MFHAS1: variants seen among roughly 807,000 people sequenced by gnomAD.
MFHAS1 encodes the protein multifunctional ROCO family signaling regulator 1.
Under a neutral mutation model 70.4 loss-of-function variants are expected in MFHAS1, and 50 were observed. The observed-to-expected ratio is 0.71, with a 90% confidence interval of 0.57 to 0.90. The LOEUF (loss-of-function observed/expected upper bound fraction) is 0.90, where lower values mean the gene tolerates loss of function less well. MFHAS1 is among the 40% of genes least tolerant of loss of function. MFHAS1 has a pLI of 0.00. For missense variants in MFHAS1, 1,795 were observed against 1,347.6 expected (o/e 1.33, Z -5.20); for synonymous variants, 952 against 620.0 (o/e 1.54, Z -7.96).
At chr8:8,841,216 C>G (rs188669812) in intron 1 of MFHAS1, among the ~76,000 whole-genome samples, 98 of 152,080 alleles carry the variant, frequency 6.4e-4, no homozygotes, top group African/African-American at 2.3e-3. Context: ...GGCTCACAAC[C>G]GTAATCCTAG....
chr8:8,836,304 T>A (rs550255735), intron 1 of MFHAS1, among the ~76,000 whole-genome samples: 33 of 152,330 alleles, frequency 2.2e-4, no homozygotes, highest in African/African-American at 7.5e-4. Context: ...TCAAAAAGTC[T>A]GCTTCTGTGA....
chr8:8,788,704 G>A (rs1304957433), intron 2 of MFHAS1, among the ~76,000 whole-genome samples: 2 of 152,188 alleles, frequency 1.3e-5, no homozygotes, highest in African/African-American at 4.8e-5. Context: ...AAGTATTGAG[G>A]AGACATGAAG....
At chr8:8,884,828 G>A (rs971639826) in intron 1 of MFHAS1, among the ~76,000 whole-genome samples, 6 of 151,924 alleles carry the variant, frequency 3.9e-5, no homozygotes, top group Admixed American at 6.6e-5. Context: ...GGTGTTTCTG[G>A]AGTCCCAGCT....
At position 8,871,030 on chromosome 8, in the gene MFHAS1, T is replaced by C. The variant is rs1321427770; in HGVS notation, c.2998+19031A>G. 4.6e-5 allele frequency among the ~76,000 whole-genome samples: 7 copies of C among 152,292 alleles called. No individual in the cohort carries two copies. The East Asian group carries it at 1.2e-3, about 25-fold the overall frequency. ...CTGCCTCCGGGGGTTATTCTGCTTT[T>C]CATTCAAATAACTACCCATTTTTAA... is the stretch of plus-strand genomic sequence containing the variant. On this transcript the variant is annotated intron_variant, in intron 1 of 2. Transcript: ENST00000276282.
chr8:8,880,677 CTTTTTTGTT>C (rs1563218211), intron 1 of MFHAS1, among the ~76,000 whole-genome samples: 1 of 142,816 alleles, frequency 7.0e-6, no homozygotes, highest in African/African-American at 2.7e-5. Flanking sequence ...ACATCCCTTC[CTTTTTTGTT>C]TTTTTTTTTT....
chr8:8,839,911 A>C (rs1807740001), intron 1 of MFHAS1, among the ~76,000 whole-genome samples: 1 of 152,200 alleles, frequency 6.6e-6, no homozygotes, highest in South Asian at 2.1e-4. Flanking sequence ...CAGAGCTTTA[A>C]TAGCAAGTCA....
At chr8:8,860,907 A>AC (rs1808636022) in intron 1 of MFHAS1, among the ~76,000 whole-genome samples, 1 of 152,332 alleles carries the variant, frequency 6.6e-6, no homozygotes, top group Admixed American at 6.5e-5. Context: ...ACGTATACAA[A>AC]CCCACAACCA....
chr8:8,827,566 T>C (rs1298946030), intron 1 of MFHAS1, among the ~76,000 whole-genome samples: 2 of 152,248 alleles, frequency 1.3e-5, no homozygotes, highest in East Asian at 1.9e-4. Flanking sequence ...GGTTTAACTA[T>C]TCCATTTTTC....
rs147306866 is a variant in MFHAS1, at chr8:8,836,046, T to G, written c.2999-38555A>C. 8.6e-4 allele frequency among the ~76,000 whole-genome samples: 131 copies of G among 152,318 alleles called. 3 individuals are homozygous for G. The East Asian group carries it at 0.024, about 28-fold the overall frequency. On this transcript the variant is annotated intron_variant, in intron 1 of 2. Transcript: ENST00000276282. ...CTAGCCCTTCAAAGAAAAAGTGTGC[T>G]GAACTCCAATCTATAATATATCTGT...
At chr8:8,877,919 C>A (rs964140755) in intron 1 of MFHAS1, among the ~76,000 whole-genome samples, 4 of 152,202 alleles carry the variant, frequency 2.6e-5, no homozygotes, top group African/African-American at 7.2e-5. Context: ...CGCATCTGTG[C>A]CCACACATGC....
At chr8:8,862,439 A>G (rs1205269569) in intron 1 of MFHAS1, among the ~76,000 whole-genome samples, 1 of 150,788 alleles carries the variant, frequency 6.6e-6, no homozygotes, top group South Asian at 2.1e-4. Context: ...CTCCTAGACT[A>G]TAGATTGTCT....
chr8:8,825,163 G>GA (rs1807110513), intron 1 of MFHAS1, among the ~76,000 whole-genome samples: 1 of 152,144 alleles, frequency 6.6e-6, no homozygotes, highest in Admixed American at 6.5e-5. Context: ...AGAACTTAAA[G>GA]AAAAGGGTTG....
intron 1 of MFHAS1, among the ~76,000 whole-genome samples, chr8:8,871,454 G>A (rs1809072118): frequency 6.6e-6 from 1 of 152,152 alleles, no homozygotes; most frequent in South Asian, 2.1e-4. Context: ...TGACAATGAG[G>A]CACAAGAATC....
intron 1 of MFHAS1, among the ~76,000 whole-genome samples, chr8:8,869,245 G>A (rs1025217701): frequency 1.3e-5 from 2 of 152,054 alleles, no homozygotes; most frequent in Non-Finnish European, 2.9e-5. Flanking sequence ...AGCAAAACCC[G>A]ATCATCCTGC....
chr8:8,808,309 C>G (rs535496692), intron 1 of MFHAS1, among the ~76,000 whole-genome samples: 2 of 152,240 alleles, frequency 1.3e-5, no homozygotes, highest in African/African-American at 4.8e-5. Flanking sequence ...ACTGTAGACG[C>G]TCCCCTGGGA....
chr8:8,868,320 T>C (rs1808939303), intron 1 of MFHAS1, among the ~76,000 whole-genome samples: 1 of 151,376 alleles, frequency 6.6e-6, no homozygotes, highest in Admixed American at 6.6e-5. Context: ...CGGCTAATAA[T>C]ATAGACAAAC....
chr8:8,893,026 G>T lies in MFHAS1; in HGVS notation c.33C>A (p.Thr11=), dbSNP rs780630512. 1.2e-5 allele frequency: 18 copies of T among 1,534,848 alleles called. No homozygotes were observed. Among genetic ancestry groups the T allele is most frequent in the East Asian group, 5.1e-5 (2 of 38,908 alleles). MAGMDSGNLK[T]ARLWRDAALR... ...GGGCGGCGTCCCGCCACAGCCTCGC[G>T]GTCTTCAGGTTGCCACTGTCCATCC... Residue 11 remains threonine, a synonymous_variant, in exon 1 of 3, where the codon ACC becomes ACA. Transcript: ENST00000276282.
intron 1 of MFHAS1, among the ~76,000 whole-genome samples, chr8:8,860,510 C>T (rs1339930459): frequency 1.3e-5 from 2 of 152,232 alleles, no homozygotes; most frequent in Non-Finnish European, 2.9e-5. Context: ...GACCAACCTA[C>T]ATACACTTGT....
intron 1 of MFHAS1, among the ~76,000 whole-genome samples, chr8:8,858,003 C>A (rs975512768): frequency 6.6e-6 from 1 of 152,160 alleles, no homozygotes; most frequent in African/African-American, 2.4e-5. Flanking sequence ...AATAGCTGAG[C>A]TGAACAAAAC....
Sources: gnomAD v4.1 joint callset for allele counts (sites outside exome capture counted in the v4.1 genomes callset) on GRCh38, gnomAD v4.1.1 for gene constraint, MANE v1.5 for transcripts, NCBI Gene and HGNC (gene_info 2026-07-23, HGNC 2026-07-21) for gene names.